The following CACNA2D3 variants were observed in gnomAD, a reference collection of about 807,000 sequenced individuals.
CACNA2D3 encodes voltage-dependent calcium channel subunit alpha-2/delta-3.
In CACNA2D3, 60 loss-of-function variants were observed where a neutral mutation model predicts 160.6. The ratio of observed to expected loss-of-function variants is 0.37; its 90% CI spans 0.30 to 0.46. The LOEUF is 0.46. Ranked by LOEUF, CACNA2D3 falls within the 20% of genes least tolerant of loss-of-function variation. The pLI, the probability that CACNA2D3 is intolerant of heterozygous loss-of-function variation, is 1.00. For synonymous variants in CACNA2D3, 558 were observed against 492.9 expected (o/e 1.13, Z -1.75); for missense variants, 1,205 against 1,365.0 (o/e 0.88, Z 1.85).
At chr3:54,908,022 G>A (rs958547796) in intron 27 of CACNA2D3, among the ~76,000 whole-genome samples, 2 of 152,208 alleles carry the variant, frequency 1.3e-5, no homozygotes, top group African/African-American at 4.8e-5. Flanking sequence ...GAGCATCCAT[G>A]TACATGTTTT....
rs975834459 is a variant in CACNA2D3, at chr3:54,759,574, T to A, written c.1247-4644T>A. 2.6e-5 allele frequency among the ~76,000 whole-genome samples: 4 copies of A among 152,212 alleles called. No homozygotes were observed. The South Asian group carries it at 6.2e-4, about 24-fold the overall frequency. On this transcript the variant is annotated intron_variant, in intron 12 of 37. Coordinates refer to ENST00000474759, the MANE Select transcript of CACNA2D3 (RefSeq NM_018398.3). ...GCAGCATACATTGTTATTGTCAATATTATTTTTAAAATTTTATCTTTTCTT... is the reference window on the plus strand; with the variant it reads ...GCAGCATACATTGTTATTGTCAATAATATTTTTAAAATTTTATCTTTTCTT...
chr3:54,829,281 C>T (rs140860330), intron 14 of CACNA2D3, among the ~76,000 whole-genome samples: 1,763 of 152,218 alleles, frequency 0.012, 38 homozygotes, highest in African/African-American at 0.04. Context: ...AAACATCCTC[C>T]TGAACATGCC....
chr3:54,804,911 T>C (rs1169666289), intron 13 of CACNA2D3, among the ~76,000 whole-genome samples: 1 of 152,102 alleles, frequency 6.6e-6, no homozygotes, highest in Admixed American at 6.6e-5. Context: ...TCAAAATGGC[T>C]CAACTACATG....
At chr3:54,753,146 C>T (rs1337399079) in intron 12 of CACNA2D3, among the ~76,000 whole-genome samples, 1 of 152,202 alleles carries the variant, frequency 6.6e-6, no homozygotes, top group Non-Finnish European at 1.5e-5. Context: ...CAGGCATGAG[C>T]CACTATGCCC....
intron 9 of CACNA2D3, among the ~76,000 whole-genome samples, chr3:54,586,649 C>T (rs1369024297): frequency 1.3e-5 from 2 of 152,134 alleles, no homozygotes; most frequent in African/African-American, 4.8e-5. Flanking sequence ...TATAGAAGAG[C>T]TGAACAACAC....
chr3:54,430,411 G>A (rs114453285), intron 4 of CACNA2D3, among the ~76,000 whole-genome samples: 3,234 of 152,204 alleles, frequency 0.021, 108 homozygotes, highest in African/African-American at 0.074. Flanking sequence ...TTCTCTATGC[G>A]GATATTATGA....
At chr3:54,200,954 C>T (rs145622136) in intron 2 of CACNA2D3, among the ~76,000 whole-genome samples, 1 of 152,114 alleles carries the variant, frequency 6.6e-6, no homozygotes, top group Non-Finnish European at 1.5e-5. Context: ...AAGCAACTTG[C>T]TGAAATGATC....
At chr3:54,239,539 C>G (rs1353709879) in intron 2 of CACNA2D3, among the ~76,000 whole-genome samples, 2 of 152,204 alleles carry the variant, frequency 1.3e-5, no homozygotes, top group Non-Finnish European at 2.9e-5. Flanking sequence ...ACCCCTGTTG[C>G]CACATGAGGT....
chr3:54,453,711 G>T (rs1334889288), intron 4 of CACNA2D3, among the ~76,000 whole-genome samples: 1 of 152,232 alleles, frequency 6.6e-6, no homozygotes, highest in Admixed American at 6.5e-5. Flanking sequence ...TGGTGTTACT[G>T]TTAGGTAAGT....
rs140894951 is a variant in CACNA2D3 at position 54,605,669 on chromosome 3, T to C, written c.964-22118T>C. The stretch of plus-strand genomic sequence containing the variant: ...CCCCATTATTGCCCCCACCCACTAG[T>C]ATGTAAGTTCTATGAGGCCAGAGGC... On this transcript the variant is annotated intron_variant, in intron 9 of 37. Transcript: ENST00000474759. 5.0e-4 allele frequency among the ~76,000 whole-genome samples: 76 copies of C among 152,242 alleles called. No individual in the cohort carries two copies. The East Asian group carries it at 8.5e-3, about 17-fold the overall frequency.
At chr3:54,175,920 G>A (rs1700670226) in intron 2 of CACNA2D3, among the ~76,000 whole-genome samples, 1 of 152,164 alleles carries the variant, frequency 6.6e-6, no homozygotes, top group Non-Finnish European at 1.5e-5. Flanking sequence ...TTCATTGTTT[G>A]ATATAAAAGT....
intron 5 of CACNA2D3, among the ~76,000 whole-genome samples, chr3:54,520,190 T>A (rs917874355): frequency 6.6e-6 from 1 of 152,226 alleles, no homozygotes; most frequent in Non-Finnish European, 1.5e-5. Flanking sequence ...AGTGCCCTAG[T>A]GCAGTTCTTC....
intron 5 of CACNA2D3, among the ~76,000 whole-genome samples, chr3:54,535,123 T>A (rs1449272994): frequency 6.6e-6 from 1 of 152,204 alleles, no homozygotes; most frequent in Non-Finnish European, 1.5e-5. Context: ...TTTTATAGCC[T>A]GGAACAGTGG....
chr3:54,502,337 C>A (rs1253245311), intron 4 of CACNA2D3, among the ~76,000 whole-genome samples: 1 of 151,996 alleles, frequency 6.6e-6, no homozygotes, highest in Non-Finnish European at 1.5e-5. Flanking sequence ...TTTTGCATTT[C>A]TTTTTGGGGA....
At chr3:55,056,509 C>T (rs1045208023) in intron 35 of CACNA2D3, among the ~76,000 whole-genome samples, 1 of 152,132 alleles carries the variant, frequency 6.6e-6, no homozygotes, top group Non-Finnish European at 1.5e-5. Flanking sequence ...GCACTCCCAT[C>T]TTTACTGCAG....
At chr3:55,001,764 T>C (rs577227194) in intron 31 of CACNA2D3, among the ~76,000 whole-genome samples, 64 of 152,364 alleles carry the variant, frequency 4.2e-4, no homozygotes, top group Admixed American at 7.8e-4. Flanking sequence ...TATTTCAGTG[T>C]ACTTCTACAC....
chr3:54,658,011 G>A (rs1365753540), intron 11 of CACNA2D3, among the ~76,000 whole-genome samples: 1 of 152,172 alleles, frequency 6.6e-6, no homozygotes, highest in Non-Finnish European at 1.5e-5. Flanking sequence ...GAGTGAGTGA[G>A]ACTCTGTCTC....
At chr3:54,763,067 G>A (rs1322599450) in intron 12 of CACNA2D3, among the ~76,000 whole-genome samples, 26 of 132,028 alleles carry the variant, frequency 2.0e-4, no homozygotes, top group African/African-American at 3.7e-4. Context: ...CAGCCTGGGC[G>A]ACAGAGTGAG....
At chr3:54,631,922 GTGACATTTCAAAGAC>G (rs1475981824) in intron 10 of CACNA2D3, among the ~76,000 whole-genome samples, 1 of 152,124 alleles carries the variant, frequency 6.6e-6, no homozygotes, top group East Asian at 1.9e-4. Flanking sequence ...ATAAAATTCG[GTGACATTTCAAAGAC>G]TGTTAATCAC....
Sources: allele counts gnomAD v4.1 joint callset (sites outside exome capture counted in the v4.1 genomes callset), GRCh38; gene constraint gnomAD v4.1.1; transcripts MANE v1.5; gene names NCBI Gene and HGNC (gene_info 2026-07-23, HGNC 2026-07-21).